Variants in FLT1 observed in about 807,000 individuals in gnomAD.
FLT1 encodes vascular endothelial growth factor receptor 1.
In FLT1, 49 loss-of-function variants were observed where a neutral mutation model predicts 156.3. The observed-to-expected ratio is 0.31, with a 90% CI of 0.25 to 0.40. The LOEUF is 0.40. FLT1 is among the 10% of genes least tolerant of loss of function. The pLI is 1.00. For missense variants in FLT1, 1,322 were observed against 1,637.2 expected, an observed-to-expected ratio of 0.81 and a Z score of 3.32; for synonymous variants, 594 against 583.8, an observed-to-expected ratio of 1.02 and a Z score of -0.25.
chr13:28,384,160 G>C (rs1333956823), intron 14 of FLT1, among the ~76,000 whole-genome samples: 1 of 152,148 alleles, frequency 6.6e-6, no homozygotes, highest in African/African-American at 2.4e-5. Context: ...CTGGCCAGAC[G>C]CAGTGGCATG....
chr13:28,352,101 T>C (rs1023087253), intron 15 of FLT1, among the ~76,000 whole-genome samples: 41 of 152,214 alleles, frequency 2.7e-4, no homozygotes, highest in Admixed American at 2.0e-4. Flanking sequence ...TTAACCACCG[T>C]GCTGTGCTAC....
intron 1 of FLT1, among the ~76,000 whole-genome samples, chr13:28,492,148 TAA>T (rs1001693704): frequency 2.0e-5 from 3 of 152,240 alleles, no homozygotes; most frequent in African/African-American, 4.8e-5. Flanking sequence ...AACTTTATTA[TAA>T]GAGATTTATT....
chr13:28,481,653 C>T (rs143439975), intron 1 of FLT1, among the ~76,000 whole-genome samples: 21 of 152,356 alleles, frequency 1.4e-4, no homozygotes, highest in Admixed American at 1.2e-3. Context: ...GGGTCAGAAA[C>T]ATTTCTTCCT....
At chr13:28,484,539 A>T (rs940074698) in intron 1 of FLT1, among the ~76,000 whole-genome samples, 1 of 152,196 alleles carries the variant, frequency 6.6e-6, no homozygotes, top group Admixed American at 6.5e-5. Flanking sequence ...GAAAACTCAC[A>T]TGATTAAAAT....
At chr13:28,350,449 T>C (rs1872703473) in intron 15 of FLT1, among the ~76,000 whole-genome samples, 1 of 152,046 alleles carries the variant, frequency 6.6e-6, no homozygotes, top group Non-Finnish European at 1.5e-5. Flanking sequence ...GGGGTGTGTA[T>C]CTTGCCTGAC....
rs1365597257 is a variant in FLT1 at position 28,300,661 on chromosome 13, C to G, written c.*2506G>C. On this transcript the variant is annotated 3_prime_UTR_variant, in exon 30 of 30. Coordinates refer to ENST00000282397, the MANE Select transcript of FLT1 (RefSeq NM_002019.4). The stretch of plus-strand genomic sequence containing the variant: ...GTTTGCATTCTTGTGGGCTAGGAAA[C>G]AAGGCACGGGTCCCTAAAATTAACA... 4.3e-6 allele frequency: 1 copy of G among 232,564 alleles called. No individual in the cohort carries two copies. The highest frequency in any genetic ancestry group is 6.0e-5 in the East Asian group (1 of 16,576). The allele number at this position is 232,564 out of a possible 1,614,324, so 14.4% of individuals were successfully genotyped here.
chr13:28,348,474 T>C (rs1185188819), intron 15 of FLT1, among the ~76,000 whole-genome samples: 2 of 152,226 alleles, frequency 1.3e-5, no homozygotes, highest in Non-Finnish European at 2.9e-5. Flanking sequence ...ATCCATGCTT[T>C]GGCTTTTGCT....
At chr13:28,366,156 A>G (rs1445417959) in intron 14 of FLT1, among the ~76,000 whole-genome samples, 2 of 152,224 alleles carry the variant, frequency 1.3e-5, no homozygotes, top group African/African-American at 2.4e-5. Context: ...GTTGGCAACC[A>G]GATCAACTTA....
In FLT1 at chr13:28,467,507, A is replaced by C. The variant is rs1879916539; in HGVS notation, c.161+14T>G. On this transcript the variant is annotated intron_variant, in intron 2 of 29. Coordinates refer to ENST00000282397, the MANE Select transcript of FLT1 (RefSeq NM_002019.4). ...TGGCAACTAGATTATTCCCAAACCA[A>C]CACAGCCACTTACCTGCATTGGAGA... 6.4e-7 allele frequency: 1 copy of C among 1,563,652 alleles called. No individual in the cohort carries two copies. The highest frequency in any genetic ancestry group is 8.8e-7 in the Non-Finnish European group (1 of 1,137,152).
chr13:28,306,007 T>C (rs1870730666), intron 29 of FLT1, among the ~76,000 whole-genome samples: 1 of 152,092 alleles, frequency 6.6e-6, no homozygotes, highest in African/African-American at 2.4e-5. Context: ...GGACAGGCAT[T>C]TGAATGAGGA....
chr13:28,337,918 C>T (rs964625847), intron 17 of FLT1, among the ~76,000 whole-genome samples: 5 of 152,152 alleles, frequency 3.3e-5, no homozygotes, highest in African/African-American at 1.2e-4. Flanking sequence ...ATATTTCCTG[C>T]CAAGGTCACT....
At chr13:28,456,354 A>C (rs1335817175) in intron 3 of FLT1, among the ~76,000 whole-genome samples, 1 of 152,028 alleles carries the variant, frequency 6.6e-6, no homozygotes, top group African/African-American at 2.4e-5. Context: ...AGCAATAAAA[A>C]GAAATTAGAT....
At chr13:28,453,195 C>A (rs1375772892) in intron 3 of FLT1, among the ~76,000 whole-genome samples, 1 of 150,104 alleles carries the variant, frequency 6.7e-6, no homozygotes, top group Non-Finnish European at 1.5e-5. Flanking sequence ...GCCATCTCAG[C>A]TCACTGCAAG....
chr13:28,390,877 A>C (rs1363768090), intron 12 of FLT1, among the ~76,000 whole-genome samples: 1 of 152,226 alleles, frequency 6.6e-6, no homozygotes, highest in Non-Finnish European at 1.5e-5. Flanking sequence ...GTAAAGTGCC[A>C]ATCAATTCCA....
chr13:28,393,420 TA>T (rs1462628911), intron 12 of FLT1, among the ~76,000 whole-genome samples: 3 of 152,162 alleles, frequency 2.0e-5, no homozygotes, highest in Non-Finnish European at 4.4e-5. Flanking sequence ...AAATATTACT[TA>T]AAAAGAGAGT....
At chr13:28,407,598 C>T (rs191633982) in intron 10 of FLT1, among the ~76,000 whole-genome samples, 9 of 152,204 alleles carry the variant, frequency 5.9e-5, no homozygotes, top group Non-Finnish European at 1.2e-4. Context: ...TGCACCTAAA[C>T]CGTATATCAG....
intron 1 of FLT1, among the ~76,000 whole-genome samples, chr13:28,492,203 A>C (rs1227230719): frequency 6.6e-6 from 1 of 152,250 alleles, no homozygotes; most frequent in Non-Finnish European, 1.5e-5. Context: ...ACTTTGATTT[A>C]ATATTATTAA....
At chr13:28,449,936 T>C (rs1207553271) in intron 3 of FLT1, among the ~76,000 whole-genome samples, 1 of 152,222 alleles carries the variant, frequency 6.6e-6, no homozygotes, top group Non-Finnish European at 1.5e-5. Flanking sequence ...CTCCTTCCTC[T>C]GGCTTCGCCT....
intron 11 of FLT1, among the ~76,000 whole-genome samples, chr13:28,402,995 G>A (rs968498177): frequency 6.6e-6 from 1 of 151,940 alleles, no homozygotes; most frequent in Non-Finnish European, 1.5e-5. Flanking sequence ...GGCCAGGCTG[G>A]TATTGAACTC....
Sources: gnomAD v4.1 joint callset for allele counts (sites outside exome capture counted in the v4.1 genomes callset) on GRCh38, gnomAD v4.1.1 for gene constraint, MANE v1.5 for transcripts, NCBI Gene and HGNC (gene_info 2026-07-23, HGNC 2026-07-21) for gene names.